ZNF804B: variants seen among roughly 807,000 people sequenced by gnomAD.
ZNF804B encodes zinc finger 804B.
In ZNF804B, 80 loss-of-function variants were observed where a neutral mutation model predicts 101.4. That is an observed-to-expected ratio of 0.79 (90% CI 0.66 to 0.95). ZNF804B has a LOEUF of 0.95. Among genes scored for constraint, ZNF804B ranks in the 40% least tolerant of loss-of-function variants. ZNF804B has a pLI of 0.00. For synonymous variants in ZNF804B, 622 were observed against 558.8 expected, an observed-to-expected ratio of 1.11 and a Z score of -1.59; for missense variants, 1,673 against 1,561.9, an observed-to-expected ratio of 1.07 and a Z score of -1.20.
intron 2 of ZNF804B, among the ~76,000 whole-genome samples, chr7:89,279,124 G>C (rs79046120): frequency 0.22 from 32,849 of 151,946 alleles, 4,118 homozygotes; most frequent in Non-Finnish European, 0.27. Flanking sequence ...TTGTGAATGG[G>C]AGTTCACTCA....
chr7:88,919,374 G>A (rs1406408531), intron 1 of ZNF804B, among the ~76,000 whole-genome samples: 1 of 152,086 alleles, frequency 6.6e-6, no homozygotes, highest in Non-Finnish European at 1.5e-5. Flanking sequence ...TGGAAGTTAG[G>A]TTCAATTGTT....
intron 1 of ZNF804B, among the ~76,000 whole-genome samples, chr7:88,867,572 A>G (rs187253127): frequency 9.2e-5 from 14 of 152,332 alleles, no homozygotes; most frequent in Admixed American, 5.2e-4. Context: ...TCACATGCCA[A>G]TCTCCTAGGG....
At chr7:88,877,931 T>G (rs1791976751) in intron 1 of ZNF804B, among the ~76,000 whole-genome samples, 2 of 152,126 alleles carry the variant, frequency 1.3e-5, no homozygotes, top group Admixed American at 1.3e-4. Context: ...AAATAGAGGT[T>G]TTGAGAATAT....
At chr7:89,244,685 G>A (rs1273832571) in intron 2 of ZNF804B, among the ~76,000 whole-genome samples, 1 of 152,094 alleles carries the variant, frequency 6.6e-6, no homozygotes, top group Non-Finnish European at 1.5e-5. Flanking sequence ...GAATGCCCAA[G>A]CTATAGAGTC....
At chr7:88,806,705 G>C (rs1248995941) in intron 1 of ZNF804B, among the ~76,000 whole-genome samples, 4 of 151,974 alleles carry the variant, frequency 2.6e-5, no homozygotes, top group African/African-American at 9.7e-5. Flanking sequence ...CATTATCATA[G>C]TAGAAAGAAA....
At chr7:88,864,931 T>C (rs565394983) in intron 1 of ZNF804B, among the ~76,000 whole-genome samples, 1 of 152,242 alleles carries the variant, frequency 6.6e-6, no homozygotes, top group Non-Finnish European at 1.5e-5. Context: ...TCTCCACCCA[T>C]AAAAATATTT....
intron 2 of ZNF804B, among the ~76,000 whole-genome samples, chr7:89,321,235 C>T (rs1396089963): frequency 6.6e-6 from 1 of 152,122 alleles, no homozygotes; most frequent in African/African-American, 2.4e-5. Flanking sequence ...AATCCCAGCA[C>T]TTTGGGAGGC....
intron 1 of ZNF804B, among the ~76,000 whole-genome samples, chr7:88,793,812 T>C (rs1325711142): frequency 1.3e-5 from 2 of 152,290 alleles, no homozygotes; most frequent in East Asian, 1.9e-4. Context: ...ACTATACTTC[T>C]GCTATGTAGT....
intron 1 of ZNF804B, among the ~76,000 whole-genome samples, chr7:88,926,666 C>G (rs964762502): frequency 6.6e-6 from 1 of 151,964 alleles, no homozygotes; most frequent in African/African-American, 2.4e-5. Flanking sequence ...ACCTGATATG[C>G]AAAGCCCCAT....
chr7:88,889,541 T>A (rs1489295630), intron 1 of ZNF804B, among the ~76,000 whole-genome samples: 2 of 143,946 alleles, frequency 1.4e-5, no homozygotes, highest in Non-Finnish European at 3.0e-5. Context: ...TTAGTGATGA[T>A]GAGCATTTTT....
intron 2 of ZNF804B, among the ~76,000 whole-genome samples, chr7:89,265,284 GT>G (rs1789771516): frequency 9.9e-6 from 1 of 101,026 alleles, no homozygotes; most frequent in Admixed American, 1.2e-4. Context: ...GTGTGTGTGT[GT>G]GTGTGTGTGC....
At chr7:89,302,156 C>T (rs921993593) in intron 2 of ZNF804B, among the ~76,000 whole-genome samples, 1 of 151,904 alleles carries the variant, frequency 6.6e-6, no homozygotes, top group African/African-American at 2.4e-5. Context: ...ATTCTTTCCA[C>T]ATTCTGCTGT....
chr7:88,919,017 T>A (rs1792679616), intron 1 of ZNF804B, among the ~76,000 whole-genome samples: 1 of 152,126 alleles, frequency 6.6e-6, no homozygotes, highest in African/African-American at 2.4e-5. Context: ...AATTTTTTTT[T>A]ATGGAAGGAG....
chr7:88,975,360 T>G (rs1276423910), intron 1 of ZNF804B, among the ~76,000 whole-genome samples: 2 of 151,428 alleles, frequency 1.3e-5, no homozygotes, highest in Non-Finnish European at 3.0e-5. Context: ...TTCATTCCAT[T>G]CTTCATAGTG....
At chr7:88,912,781 A>G (rs1792568596) in intron 1 of ZNF804B, among the ~76,000 whole-genome samples, 1 of 152,158 alleles carries the variant, frequency 6.6e-6, no homozygotes, top group African/African-American at 2.4e-5. Context: ...CCATAACTTT[A>G]CAGTGTGGAT....
intron 1 of ZNF804B, among the ~76,000 whole-genome samples, chr7:89,115,277 A>G (rs1475499687): frequency 1.3e-5 from 2 of 152,222 alleles, no homozygotes; most frequent in Admixed American, 6.5e-5. Context: ...GACATTCCAA[A>G]CATGGGCCAG....
chr7:89,220,945 G>T (rs2115709707), intron 2 of ZNF804B, among the ~76,000 whole-genome samples: 1 of 151,778 alleles, frequency 6.6e-6, no homozygotes, highest in African/African-American at 2.4e-5. Context: ...CTTTTCACTG[G>T]TTTTTATGGA....
intron 1 of ZNF804B, among the ~76,000 whole-genome samples, chr7:89,078,082 T>C (rs1789639723): frequency 6.6e-6 from 1 of 152,094 alleles, no homozygotes; most frequent in Non-Finnish European, 1.5e-5. Flanking sequence ...GAAGACATAA[T>C]TTTATCAATT....
At chr7:89,005,918 G>A (rs1788363978) in intron 1 of ZNF804B, among the ~76,000 whole-genome samples, 1 of 151,990 alleles carries the variant, frequency 6.6e-6, no homozygotes, top group African/African-American at 2.4e-5. Flanking sequence ...GACATAATTA[G>A]TCTTTAATTT....
Sources: gnomAD v4.1 joint callset for allele counts (sites outside exome capture counted in the v4.1 genomes callset) on GRCh38, gnomAD v4.1.1 for gene constraint, MANE v1.5 for transcripts, NCBI Gene and HGNC (gene_info 2026-07-23, HGNC 2026-07-21) for gene names.